FSIP2: variants seen among roughly 807,000 people sequenced by gnomAD.
FSIP2 encodes fibrous sheath-interacting protein 2.
Under a neutral mutation model 510.5 loss-of-function variants are expected in FSIP2, and 367 were observed. The observed-to-expected ratio is 0.72, with a 90% CI of 0.66 to 0.78. The LOEUF (loss-of-function observed/expected upper bound fraction) is 0.78. FSIP2 is among the 30% of genes least tolerant of loss of function. The probability of loss-of-function intolerance (pLI) is 0.00; values close to 1 mark genes in which losing one functional copy is unlikely to be tolerated. For missense variants in FSIP2, 7,594 were observed against 7,901.7 expected (o/e 0.96, Z 1.48); for synonymous variants, 2,601 against 2,732.2 (o/e 0.95, Z 1.50).
intron 19 of FSIP2, among the ~76,000 whole-genome samples, chr2:185,819,004 CAG>C: frequency 6.6e-6 from 1 of 151,822 alleles, no homozygotes; most frequent in African/African-American, 2.4e-5. Context: ...ATGCATGAAA[CAG>C]ATAATAAATT....
intron 18 of FSIP2, 41 bp from the exon 19 acceptor site, chr2:185,815,330 C>T (rs1693807182): frequency 1.1e-6 from 1 of 893,186 alleles, no homozygotes; most frequent in African/African-American, 1.7e-5. Context: ...AAATATATCC[C>T]AAACTCCATT....
In FSIP2 at chr2:185,805,655, C is replaced by T; in HGVS notation, c.16349C>T (p.Ser5450Phe). Residue 5450 changes from serine (S) to phenylalanine (F), a missense_variant, in exon 17 of 23, where the codon TCT (serine) becomes TTT (phenylalanine). By Grantham distance (155) the Ser-to-Phe change is radical. Coordinates refer to ENST00000424728, the MANE Select transcript of FSIP2 (RefSeq NM_173651.4). ...CCAGATCAATCATATAAAGATACTT[C>T]TTCCACCCCAGATTGCAAAAACATG... The part of the protein sequence containing the change: ...SLPDQSYKDT[S>F]STPDCKNMMS... 6.2e-7 allele frequency: 1 copy of T among 1,610,586 alleles called. No individual in the cohort carries two copies. Among genetic ancestry groups the T allele is most frequent in the Non-Finnish European group, 8.5e-7 (1 of 1,178,416 alleles).
At chr2:185,745,318 A>T (rs961936757) in intron 4 of FSIP2, 111 bp from the exon 5 acceptor site, 2 of 600,482 alleles carry the variant, frequency 3.3e-6, no homozygotes, top group Non-Finnish European at 5.1e-6. Context: ...AATAGATGTA[A>T]ATGCAATTAA....
chr2:185,824,056 T>C (rs1693971339), intron 19 of FSIP2, among the ~76,000 whole-genome samples: 1 of 151,724 alleles, frequency 6.6e-6, no homozygotes, highest in African/African-American at 2.4e-5. Context: ...GAAACTAGAA[T>C]AGTGGTTCCC....
chr2:185,831,811 AG>A lies in FSIP2; in HGVS notation c.20518-1del. 1 of 1,603,106 alleles carries A rather than the reference AG, an allele frequency of 6.2e-7. No individual in the cohort carries two copies. Among genetic ancestry groups the A allele is most frequent in the Non-Finnish European group, 8.5e-7 (1 of 1,170,914 alleles). ...AGTTTGTATTTCAATTTACCTTGGC[AG>A]TTTATCACCATCTTTGAAAGATCCA... On this transcript the variant is annotated splice_acceptor_variant, in intron 21 of 22. Transcript: ENST00000424728. LOFTEE classifies it high-confidence loss of function.
rs1348803914 is a variant in FSIP2, at chr2:185,806,459, T to A, written c.17153T>A (p.Ile5718Asn). The change falls in exon 17 of 23, where the codon ATT (isoleucine) becomes AAT (asparagine). Residue 5718 changes from isoleucine to asparagine, a missense_variant. Transcript: ENST00000424728. ...SPPGDNVLNV[I>N]QEISRDSAQS... ...CCAGGTGATAATGTATTAAATGTAA[T>A]TCAAGAGATTAGCAGGGATTCGGCA... 2.5e-6 allele frequency: 4 copies of A among 1,611,572 alleles called. No homozygotes were observed.
In FSIP2 at chr2:185,805,785, C is replaced by A; in HGVS notation, c.16479C>A (p.Ser5493Arg). The A allele has an allele frequency of 6.2e-7, 1 of 1,603,392 alleles. No individual in the cohort carries two copies. The highest frequency in any genetic ancestry group is 8.5e-7 in the Non-Finnish European group (1 of 1,176,348). ...GTGACATCCAAAATCCAGTACTTAG[C>A]TCTATAAATGCAATTATGAAAAGCG... ...KKGDIQNPVL[S>R]SINAIMKSGM... Residue 5493 changes from serine (S) to arginine (R), a missense_variant, in exon 17 of 23, where the codon AGC (serine) becomes AGA (arginine). Transcript: ENST00000424728.
chr2:185,766,190 G>A (rs1450809190), intron 13 of FSIP2: 8 of 151,700 alleles, frequency 5.3e-5, no homozygotes, highest in Non-Finnish European at 1.0e-4. Flanking sequence ...AGACTTAAAC[G>A]TTAGACCTAA....
Position 185,794,535 on chromosome 2 carries a change from G to T in FSIP2, c.7399G>T (p.Glu2467Ter). ...CAAAAGGCAGATAATTGTTTTGGAAGAAATATTTATGAGAAATGGAGAATC... is the reference window on the plus strand; with the variant it reads ...CAAAAGGCAGATAATTGTTTTGGAATAAATATTTATGAGAAATGGAGAATC... ...ENKRQIIVLE[E>*]IFMRNGESKN... The change falls in exon 16 of 23, where the codon GAA (glutamate) becomes TAA (stop). Residue 2467 changes from glutamate (E) to a stop codon, truncating the protein, a stop_gained. Transcript: ENST00000424728. LOFTEE classifies it high-confidence loss of function. 1.3e-6 allele frequency: 2 copies of T among 1,529,776 alleles called. No individual in the cohort carries two copies. Among genetic ancestry groups the T allele is most frequent in the Non-Finnish European group, 1.7e-6 (2 of 1,144,466 alleles). 94.8% of individuals were successfully genotyped at this position (1,529,776 alleles called of 1,614,324 possible).
chr2:185,782,703 A>AG lies in FSIP2; in HGVS notation c.1412dup. 1 of 1,505,292 alleles carries AG rather than the reference A, an allele frequency of 6.6e-7. No homozygotes were observed. The highest frequency in any genetic ancestry group is 8.9e-7 in the Non-Finnish European group (1 of 1,118,742). 93.2% of individuals were successfully genotyped at this position (1,505,292 alleles called of 1,614,324 possible). A position where few individuals can be genotyped will look rare whatever the true frequency, so the allele number is the denominator to read the frequency against. On this transcript the variant is annotated splice_acceptor_variant, in intron 13 of 22. Transcript: ENST00000424728. LOFTEE classifies it high-confidence loss of function. ...ATGTAATTTTATTTTTCTGATAAATAGGACCTCAGGCTCATGCTACAGACC... is the reference window on the plus strand; with the variant it reads ...ATGTAATTTTATTTTTCTGATAAATAGGGACCTCAGGCTCATGCTACAGACC...
chr2:185,773,753 A>C (rs1170602778), intron 13 of FSIP2, among the ~76,000 whole-genome samples: 1 of 152,014 alleles, frequency 6.6e-6, no homozygotes, highest in East Asian at 1.9e-4. Flanking sequence ...GCTATTTCTA[A>C]ATCTATTTCT....
rs1253517397 is a variant in FSIP2 at position 185,800,355 on chromosome 2, G to T, written c.11049G>T (p.Leu3683=). The T allele has an allele frequency of 6.5e-7, 1 of 1,529,836 alleles. No homozygotes were observed. Among genetic ancestry groups the T allele is most frequent in the South Asian group, 1.2e-5 (1 of 82,904 alleles). The allele number at this position is 1,529,836 out of a possible 1,614,324, so 94.8% of individuals were successfully genotyped here. ...LSYLACKLNS[L]VGNLKTSESK... is the part of the protein sequence containing the mutation. ...ATCTTGCATGTAAGTTAAACAGCCT[G>T]GTTGGTAACCTAAAAACAAGTGAAT... Residue 3683 remains leucine (L), a synonymous_variant, in exon 17 of 23, where the codon CTG becomes CTT. Transcript: ENST00000424728.
At position 185,774,641 on chromosome 2, in the gene FSIP2, T is replaced by A. The variant is rs1332041701; in HGVS notation, c.1412-8064T>A. ...ACATGTGCACATTGTGCAGGTTAGTTACATACGTATACATGTGCCATGCTG... is the reference window on the plus strand; with the variant it reads ...ACATGTGCACATTGTGCAGGTTAGTAACATACGTATACATGTGCCATGCTG... On this transcript the variant is annotated intron_variant, in intron 13 of 22. Transcript: ENST00000424728. 2.7e-5 allele frequency among the ~76,000 whole-genome samples: 4 copies of A among 149,858 alleles called. No individual in the cohort carries two copies. The East Asian group carries it at 8.0e-4, about 30-fold the overall frequency.
upstream of FSIP2, chr2:185,738,798 C>T: frequency 3.3e-6 from 5 of 1,535,982 alleles, no homozygotes; most frequent in Non-Finnish European, 4.4e-6. Context: ...TCGTTGGGCT[C>T]TGGCCATTCC....
Position 185,802,855 on chromosome 2 carries a change from G to T in FSIP2, c.13549G>T (p.Val4517Phe). The T allele has an allele frequency of 6.6e-7, 1 of 1,506,680 alleles. No individual in the cohort carries two copies. The highest frequency in any genetic ancestry group is 8.8e-7 in the Non-Finnish European group (1 of 1,136,322). 93.3% of individuals were successfully genotyped at this position (1,506,680 alleles called of 1,614,324 possible). ...CCTAGTTAGTGATATTAGGATGAAAGTTTCCCAACATGAAATTCGATTTTC... is the reference window on the plus strand; with the variant it reads ...CCTAGTTAGTGATATTAGGATGAAATTTTCCCAACATGAAATTCGATTTTC... ...SNLVSDIRMK[V>F]SQHEIRFSKE... The change falls in exon 17 of 23, where the codon GTT becomes TTT. Residue 4517 changes from valine (V) to phenylalanine (F), a missense_variant. By Grantham distance (50) the Val-to-Phe change is conservative (BLOSUM62 -1). Transcript: ENST00000424728.
chr2:185,779,411 G>A (rs1039537090), intron 13 of FSIP2, among the ~76,000 whole-genome samples: 1 of 151,544 alleles, frequency 6.6e-6, no homozygotes, highest in Non-Finnish European at 1.5e-5. Context: ...ACATATTTCT[G>A]GGGTACATAT....
chr2:185,774,542 T>C (rs1053338981), intron 13 of FSIP2, among the ~76,000 whole-genome samples: 6 of 151,976 alleles, frequency 3.9e-5, no homozygotes, highest in Non-Finnish European at 5.9e-5. Context: ...GCTTGTCAAG[T>C]GTCAGTTATT....
intron 22 of FSIP2, among the ~76,000 whole-genome samples, chr2:185,832,854 C>G (rs1377398315): frequency 6.6e-6 from 1 of 151,756 alleles, no homozygotes; most frequent in African/African-American, 2.4e-5. Flanking sequence ...AGTTAATTTC[C>G]CATTTAACTC....
rs202177929 is a variant in FSIP2 at position 185,813,993 on chromosome 2, C to T, written c.20276C>T (p.Thr6759Met). ...GAGCTTGACATGGCCACACCAAAGACGATGCCTGAAACAGCCTCTTCATCT... is the reference window on the plus strand; with the variant it reads ...GAGCTTGACATGGCCACACCAAAGATGATGCCTGAAACAGCCTCTTCATCT... ...VAELDMATPK[T>M]MPETASSSWE... The change falls in exon 18 of 23, where the codon ACG becomes ATG. Residue 6759 changes from threonine (T) to methionine (M), a missense_variant. By Grantham distance (81) the Thr-to-Met change is moderately conservative. Transcript: ENST00000424728. The T allele has an allele frequency of 4.0e-4, 642 of 1,613,284 alleles. 3 individuals are homozygous for T. The highest frequency in any genetic ancestry group is 2.6e-3 in the Middle Eastern group (16 of 6,050).
Sources: gnomAD v4.1 joint callset for allele counts (sites outside exome capture counted in the v4.1 genomes callset) on GRCh38, gnomAD v4.1.1 for gene constraint, MANE v1.5 for transcripts, NCBI Gene and HGNC (gene_info 2026-07-23, HGNC 2026-07-21) for gene names.